The following DTNB variants were observed in gnomAD, a reference collection of about 807,000 sequenced individuals.
The protein encoded by DTNB is dystrobrevin beta.
DTNB carries 63 observed loss-of-function variants against 90.7 expected under a neutral mutation model. The observed-to-expected ratio is 0.69, with a 90% CI of 0.57 to 0.86. The LOEUF (loss-of-function observed/expected upper bound fraction) is 0.86, where lower values mean the gene tolerates loss of function less well. Among genes scored for constraint, DTNB ranks in the 40% least tolerant of loss-of-function variants. The probability of loss-of-function intolerance (pLI) is 0.00; values close to 1 mark genes in which losing one functional copy is unlikely to be tolerated. For missense variants in DTNB, 744 were observed against 807.1 expected, an observed-to-expected ratio of 0.92 and a Z score of 0.95; for synonymous variants, 277 against 286.7, an observed-to-expected ratio of 0.97 and a Z score of 0.34.
At chr2:25,525,124 A>G (rs2150844500) in intron 9 of DTNB, among the ~76,000 whole-genome samples, 1 of 152,366 alleles carries the variant, frequency 6.6e-6, no homozygotes, top group South Asian at 2.1e-4. Flanking sequence ...TTAATAAAGT[A>G]ATAAACTTAC....
At chr2:25,433,673 G>C (rs914407187) in intron 13 of DTNB, among the ~76,000 whole-genome samples, 1 of 152,068 alleles carries the variant, frequency 6.6e-6, no homozygotes, top group Non-Finnish European at 1.5e-5. Flanking sequence ...AGGAGGCCCT[G>C]CTAAAAGGAA....
chr2:25,571,293 TG>T (rs1412830207), intron 8 of DTNB, among the ~76,000 whole-genome samples: 2 of 152,220 alleles, frequency 1.3e-5, no homozygotes, highest in South Asian at 2.1e-4. Context: ...TCTTTTCTAC[TG>T]TCTACTCTTT....
intron 8 of DTNB, among the ~76,000 whole-genome samples, chr2:25,554,274 A>G (rs943602459): frequency 6.6e-6 from 1 of 152,210 alleles, no homozygotes; most frequent in Non-Finnish European, 1.5e-5. Flanking sequence ...CAACAGGGAA[A>G]AATGTTGCAC....
intron 1 of DTNB, among the ~76,000 whole-genome samples, chr2:25,663,558 T>C (rs189594101): frequency 2.0e-5 from 3 of 152,354 alleles, no homozygotes; most frequent in Admixed American, 2.0e-4. Flanking sequence ...TATAACATTT[T>C]AGATCATCTA....
intron 16 of DTNB, among the ~76,000 whole-genome samples, chr2:25,414,498 C>T (rs1260828981): frequency 6.6e-6 from 1 of 152,174 alleles, no homozygotes; most frequent in Non-Finnish European, 1.5e-5. Flanking sequence ...TCGTGATTCA[C>T]CTGCCTTGGC....
At chr2:25,649,198 G>C (rs1416931884) in intron 2 of DTNB, among the ~76,000 whole-genome samples, 1 of 151,558 alleles carries the variant, frequency 6.6e-6, no homozygotes, top group East Asian at 1.9e-4. Flanking sequence ...GTAGAGACGG[G>C]GTTTCACCAT....
At chr2:25,454,820 T>A (rs967008298) in intron 11 of DTNB, among the ~76,000 whole-genome samples, 1 of 152,178 alleles carries the variant, frequency 6.6e-6, no homozygotes, top group Non-Finnish European at 1.5e-5. Context: ...TTATAATACA[T>A]GTAACTATTA....
intron 9 of DTNB, among the ~76,000 whole-genome samples, chr2:25,503,053 CAAAAAAAAAAAAAAAAA>C (rs58871909): frequency 0.01 from 161 of 15,334 alleles, 4 homozygotes; most frequent in African/African-American, 0.021. Context: ...GACCCTATCT[CAAAAAAAAAAAAAAAAA>C]AAAAAAAAAA....
intron 9 of DTNB, among the ~76,000 whole-genome samples, chr2:25,528,282 A>G (rs1394248068): frequency 6.6e-6 from 1 of 152,228 alleles, no homozygotes; most frequent in African/African-American, 2.4e-5. Context: ...CCCGATAAAT[A>G]GTTTCTACAA....
chr2:25,593,253 G>A (rs1350890908), intron 6 of DTNB, among the ~76,000 whole-genome samples: 2 of 152,240 alleles, frequency 1.3e-5, no homozygotes, highest in African/African-American at 4.8e-5. Flanking sequence ...AAATGCTGGG[G>A]GAAAGTGCAT....
At chr2:25,404,972 G>T (rs1238809878) in intron 16 of DTNB, among the ~76,000 whole-genome samples, 1 of 152,104 alleles carries the variant, frequency 6.6e-6, no homozygotes, top group African/African-American at 2.4e-5. Flanking sequence ...GTTTTGCTCT[G>T]TCTGGAGTGC....
intron 12 of DTNB, among the ~76,000 whole-genome samples, chr2:25,436,960 T>C (rs749676278): frequency 1.2e-4 from 19 of 152,204 alleles, no homozygotes; most frequent in African/African-American, 4.3e-4. Flanking sequence ...CTTTCTGGTT[T>C]TGAGTAACTG....
At chr2:25,390,449 CT>C (rs1479783558) in intron 16 of DTNB, among the ~76,000 whole-genome samples, 111 of 145,098 alleles carry the variant, frequency 7.6e-4, no homozygotes, top group Admixed American at 1.0e-3. Flanking sequence ...TTCGTCTTCT[CT>C]TTTTTTTTTT....
chr2:25,637,358 G>A (rs930596985), intron 3 of DTNB, among the ~76,000 whole-genome samples: 1 of 152,154 alleles, frequency 6.6e-6, no homozygotes, highest in Non-Finnish European at 1.5e-5. Flanking sequence ...ATTGACAAAT[G>A]GGATCTAATT....
chr2:25,550,583 C>A (rs1032678353), intron 8 of DTNB, among the ~76,000 whole-genome samples: 5 of 152,070 alleles, frequency 3.3e-5, no homozygotes, highest in African/African-American at 1.2e-4. Flanking sequence ...TATTTGAGGG[C>A]TTATACCTTT....
chr2:25,511,490 C>T (rs1294328862), intron 9 of DTNB, among the ~76,000 whole-genome samples: 2 of 152,080 alleles, frequency 1.3e-5, no homozygotes, highest in Admixed American at 1.3e-4. Flanking sequence ...TACCACCATG[C>T]CCAGCTAATT....
At chr2:25,405,514 T>C (rs1405757668) in intron 16 of DTNB, among the ~76,000 whole-genome samples, 1 of 152,140 alleles carries the variant, frequency 6.6e-6, no homozygotes, top group Non-Finnish European at 1.5e-5. Context: ...CACTCCACCC[T>C]GGGTGACAGA....
intron 9 of DTNB, among the ~76,000 whole-genome samples, chr2:25,492,766 C>T (rs1352921331): frequency 6.6e-6 from 1 of 152,052 alleles, no homozygotes; most frequent in Admixed American, 6.6e-5. Flanking sequence ...GGGAGGACTG[C>T]TTGAGCCTGG....
chr2:25,588,152 T>A (rs758530608), intron 6 of DTNB, among the ~76,000 whole-genome samples: 1 of 151,884 alleles, frequency 6.6e-6, no homozygotes, highest in Non-Finnish European at 1.5e-5. Flanking sequence ...TTTGGGGATA[T>A]CCTCTTTTTT....
Sources: gnomAD v4.1 joint callset for allele counts (sites outside exome capture counted in the v4.1 genomes callset) on GRCh38, gnomAD v4.1.1 for gene constraint, MANE v1.5 for transcripts, NCBI Gene and HGNC (gene_info 2026-07-23, HGNC 2026-07-21) for gene names.